KIF27: variants seen among roughly 807,000 people sequenced by gnomAD.
KIF27 encodes kinesin-like protein KIF27.
A neutral mutation model predicts 141.8 loss-of-function variants in KIF27; 84 were observed. That is an observed-to-expected ratio of 0.59 (90% CI 0.50 to 0.71). The LOEUF (loss-of-function observed/expected upper bound fraction) is 0.71. Ranked by LOEUF, KIF27 falls within the 30% of genes least tolerant of loss-of-function variation. The pLI is 0.00. For missense variants in KIF27, 1,306 were observed against 1,628.4 expected (o/e 0.80, Z 3.41); for synonymous variants, 471 against 569.5 (o/e 0.83, Z 2.46).
chr9:83,866,868 A>T (rs907410198), intron 13 of KIF27, among the ~76,000 whole-genome samples: 14 of 152,044 alleles, frequency 9.2e-5, no homozygotes, highest in Non-Finnish European at 7.4e-5. Flanking sequence ...TTAAAAAAAA[A>T]AATGAAGTAT....
In KIF27 at chr9:83,903,595, C is replaced by A; in HGVS notation, c.923G>T (p.Gly308Val). 2 of 1,614,132 alleles carry A rather than the reference C, an allele frequency of 1.2e-6. No homozygotes were observed. Among genetic ancestry groups the A allele is most frequent in the Non-Finnish European group, 1.7e-6 (2 of 1,180,028 alleles). The change falls in exon 4 of 18, where the codon GGC becomes GTC. Residue 308 changes from glycine to valine, a missense_variant. Gly to Val is a moderately radical substitution (Grantham distance 109). Coordinates refer to ENST00000297814, the MANE Select transcript of KIF27 (RefSeq NM_017576.4). ...ITRLLKDSLG[G>V]SAKTVMITCV... ...TGTGATCATGACAGTCTTAGCACTG[C>A]CTCCCAGAGAATCTTTCAGAAGCCG...
At chr9:83,844,835 A>G (rs535406782) in intron 16 of KIF27, among the ~76,000 whole-genome samples, 11 of 152,298 alleles carry the variant, frequency 7.2e-5, no homozygotes, top group Admixed American at 5.9e-4. Flanking sequence ...AAGGTGAAGG[A>G]TAAGTTGCTA....
chr9:83,900,994 T>C (rs1191018642), intron 4 of KIF27, among the ~76,000 whole-genome samples: 1 of 152,178 alleles, frequency 6.6e-6, no homozygotes, highest in East Asian at 1.9e-4. Context: ...GGTCTCACTC[T>C]GCCACCCAGG....
chr9:83,851,585 G>A (rs1000901317), intron 15 of KIF27, among the ~76,000 whole-genome samples: 35 of 152,058 alleles, frequency 2.3e-4, no homozygotes, highest in Non-Finnish European at 2.1e-4. Context: ...TGAATTCCTG[G>A]CCTCAAGTGA....
intron 5 of KIF27, among the ~76,000 whole-genome samples, chr9:83,893,771 TG>T (rs201368230): frequency 6.6e-6 from 1 of 151,968 alleles, no homozygotes; most frequent in East Asian, 1.9e-4. Context: ...AGTGAAATAG[TG>T]AACAAACTAA....
chr9:83,907,043 C>G (rs1489931908), intron 3 of KIF27, among the ~76,000 whole-genome samples: 2 of 151,886 alleles, frequency 1.3e-5, no homozygotes, highest in Non-Finnish European at 2.9e-5. Context: ...GTAATCCCAG[C>G]ACTTTGGGAG....
intron 13 of KIF27, among the ~76,000 whole-genome samples, chr9:83,860,664 T>C (rs1406837734): frequency 6.6e-6 from 1 of 152,212 alleles, no homozygotes; most frequent in Non-Finnish European, 1.5e-5. Flanking sequence ...TATCAGGAAA[T>C]CTTTTCAATC....
chr9:83,880,161 G>A, intron 11 of KIF27, 136 bp downstream of exon 11: 1 of 1,314,624 alleles, frequency 7.6e-7, no homozygotes, highest in Non-Finnish European at 1.0e-6. Context: ...AAGCTTTAAA[G>A]TGAATAAGGA....
rs141541808 is a variant in KIF27 at position 83,883,897 on chromosome 9, G to A, written c.2361C>T (p.Asn787=). 115 of 1,613,222 alleles carry A rather than the reference G, an allele frequency of 7.1e-5. No individual in the cohort carries two copies. The African/African-American group carries it at 1.3e-3, about 19-fold the overall frequency. ...ETQKQLQELE[N]KDLSDVAMKV... ...TCATTGCAACATCAGAAAGATCTTT[G>A]TTTTCCAGCTCCTGTAGCTGCTTTT... The change falls in exon 10 of 18, where the codon AAC becomes AAT. Residue 787 remains asparagine (N), a synonymous_variant. Transcript: ENST00000297814.
chr9:83,903,054 A>G lies in KIF27; in HGVS notation c.1458+6T>C. On this transcript the variant is annotated splice_donor_region_variant and intron_variant, in intron 4 of 17. Coordinates refer to ENST00000297814, the MANE Select transcript of KIF27 (RefSeq NM_017576.4). ...ATAAATAAATAAATAAGTGATGTCT[A>G]AGTACCTGGCATTTCTTAAGCTCTC... 1 of 1,548,032 alleles carries G rather than the reference A, an allele frequency of 6.5e-7. No homozygotes were observed. The highest frequency in any genetic ancestry group is 8.9e-7 in the Non-Finnish European group (1 of 1,128,970).
chr9:83,848,150 TATATC>T lies in KIF27; in HGVS notation c.3556+1944_3556+1948del, dbSNP rs1329636147. On this transcript the variant is annotated intron_variant, in intron 16 of 17. Coordinates refer to ENST00000297814, the MANE Select transcript of KIF27 (RefSeq NM_017576.4). ...GATATCTCATATATGATATATCTGA[TATATC>T]ATATATGATATATCTGATATATCAT... 6.8e-4 allele frequency among the ~76,000 whole-genome samples: 44 copies of T among 64,472 alleles called. 6 individuals carry two copies. The highest frequency in any genetic ancestry group is 7.9e-4 in the Non-Finnish European group (29 of 36,866). The allele number at this position is 64,472 out of a possible 152,430, so 42.3% of individuals were successfully genotyped here.
At position 83,834,167 on chromosome 9, in the gene KIF27, CACAA is replaced by C. The variant is rs894610177; in HGVS notation, c.*2830_*2833del. On this transcript the variant is annotated 3_prime_UTR_variant, in exon 18 of 18. Coordinates refer to ENST00000297814, the MANE Select transcript of KIF27 (RefSeq NM_017576.4). ...ACATAATGAACGAAAAAAAGAAAAC[CACAA>C]ACATTTTATATACATGCAAAAAGGC... Among the ~76,000 whole-genome samples, 1 of 151,824 alleles carries C rather than the reference CACAA, an allele frequency of 6.6e-6. No homozygotes were observed. The highest frequency in any genetic ancestry group is 6.6e-5 in the Admixed American group (1 of 15,234).
intron 16 of KIF27, among the ~76,000 whole-genome samples, chr9:83,843,067 T>C (rs1330704343): frequency 6.6e-6 from 1 of 151,482 alleles, no homozygotes; most frequent in Non-Finnish European, 1.5e-5. Flanking sequence ...TGCTTTAGTA[T>C]CTTCTGTAAA....
At chr9:83,838,813 G>A (rs1183187291) in intron 17 of KIF27, 1 of 152,160 alleles carries the variant, frequency 6.6e-6, no homozygotes, top group African/African-American at 2.4e-5. Flanking sequence ...GGTTCAGGTA[G>A]GCATTCTAGT....
intron 11 of KIF27, among the ~76,000 whole-genome samples, chr9:83,871,904 G>A (rs1445229077): frequency 1.3e-5 from 2 of 151,180 alleles, no homozygotes; most frequent in Non-Finnish European, 3.0e-5. Flanking sequence ...GTTTTACCAT[G>A]TTGGCCAGGC....
intron 4 of KIF27, among the ~76,000 whole-genome samples, chr9:83,902,592 T>G (rs1954037035): frequency 6.6e-6 from 1 of 152,096 alleles, no homozygotes; most frequent in Non-Finnish European, 1.5e-5. Flanking sequence ...ACACAAGAGA[T>G]GAAGTATTTT....
chr9:83,920,424 CA>C, intron 1 of KIF27, among the ~76,000 whole-genome samples: 1 of 152,278 alleles, frequency 6.6e-6, no homozygotes, highest in Middle Eastern at 3.4e-3. Flanking sequence ...TAAGTATACT[CA>C]ACGGGTTTTT....
At chr9:83,848,960 G>A (rs561321524) in intron 16 of KIF27, 1 of 152,234 alleles carries the variant, frequency 6.6e-6, no homozygotes, top group South Asian at 2.1e-4. Flanking sequence ...CTACAGGTGT[G>A]TGCCACCACG....
At chr9:83,854,609 A>T (rs755525146) in intron 14 of KIF27, among the ~76,000 whole-genome samples, 5 of 152,242 alleles carry the variant, frequency 3.3e-5, no homozygotes, top group Non-Finnish European at 4.4e-5. Flanking sequence ...TATGTTGCCC[A>T]GGCTGAACTC....
Sources: allele counts gnomAD v4.1 joint callset (sites outside exome capture counted in the v4.1 genomes callset), GRCh38; gene constraint gnomAD v4.1.1; transcripts MANE v1.5; gene names NCBI Gene and HGNC (gene_info 2026-07-23, HGNC 2026-07-21).